FANCB: variants seen among roughly 807,000 people sequenced by gnomAD.
The protein encoded by FANCB is Fanconi anemia group B protein.
FANCB carries 5 observed loss-of-function variants against 38.9 expected under a neutral mutation model. The observed-to-expected ratio is 0.13, with a 90% CI of 0.07 to 0.27. The LOEUF (loss-of-function observed/expected upper bound fraction) is 0.27, where lower values mean the gene tolerates loss of function less well. Ranked by LOEUF, FANCB falls within the 10% of genes least tolerant of loss-of-function variation. The pLI is 1.00. For synonymous variants in FANCB, 236 were observed against 215.4 expected, an observed-to-expected ratio of 1.10 and a Z score of -0.84; for missense variants, 573 against 602.7, an observed-to-expected ratio of 0.95 and a Z score of 0.52.
At chrX:14,720,998 T>C in the FANCB span, among the ~76,000 whole-genome samples, 2 of 109,184 alleles carry the variant, frequency 1.8e-5, no homozygotes, top group Non-Finnish European at 3.8e-5. Context: ...TGGTGGCACA[T>C]GACCCGTCCA....
the FANCB span, among the ~76,000 whole-genome samples, chrX:14,805,500 C>T: frequency 9.0e-6 from 1 of 111,184 alleles, no homozygotes. Flanking sequence ...CACCATCACC[C>T]CCGCTAAACT....
chrX:14,719,932 TAAGTC>T, the FANCB span, among the ~76,000 whole-genome samples: 1 of 111,584 alleles, frequency 9.0e-6, no homozygotes, highest in African/African-American at 3.3e-5. Context: ...TTAAGGGAAA[TAAGTC>T]AGGCAGAAAA....
intron 3 of FANCB, among the ~76,000 whole-genome samples, chrX:14,863,548 A>G (rs774294825): frequency 8.9e-6 from 1 of 112,354 alleles, no homozygotes; most frequent in African/African-American, 3.2e-5. Flanking sequence ...ACAAAACTCT[A>G]ATTTCCTATT....
At chrX:14,696,901 T>A in the FANCB span, among the ~76,000 whole-genome samples, 8 of 112,166 alleles carry the variant, frequency 7.1e-5, no homozygotes, top group Admixed American at 7.5e-4. Flanking sequence ...AACATAATGT[T>A]TTATTACCAA....
chrX:14,773,103 A>G, the FANCB span, among the ~76,000 whole-genome samples: 1 of 111,984 alleles, frequency 8.9e-6, no homozygotes, highest in Non-Finnish European at 1.9e-5. Context: ...ATTCCTCTCC[A>G]TGAGTGCCAC....
chrX:14,717,610 T>G, the FANCB span, among the ~76,000 whole-genome samples: 1 of 110,802 alleles, frequency 9.0e-6, no homozygotes, highest in East Asian at 2.8e-4. Flanking sequence ...TTGTATATAG[T>G]TATGAGTACA....
chrX:14,864,852 T>C lies in FANCB; in HGVS notation c.659A>G (p.Gln220Arg), dbSNP rs751071983. Residue 220 changes from glutamine to arginine, a missense_variant, in exon 3 of 10, where the codon CAA becomes CGA. Transcript: ENST00000650831. ...AATGTATATATCACTTAATACTTCT[T>C]GACTTTCAAGAGAATATACACAAAA... ...TKFCVYSLES[Q>R]EVLSDIYIIP... 1.7e-6 allele frequency: 2 copies of C among 1,210,538 alleles called. No homozygotes were observed. The highest frequency in any genetic ancestry group is 2.2e-6 in the Non-Finnish European group (2 of 894,180).
the FANCB span, among the ~76,000 whole-genome samples, chrX:14,740,616 A>T: frequency 8.9e-6 from 1 of 112,408 alleles, no homozygotes. Flanking sequence ...CTGCTATTGT[A>T]GCATGAAAGC....
At chrX:14,819,430 C>A in the FANCB span, among the ~76,000 whole-genome samples, 1 of 111,380 alleles carries the variant, frequency 9.0e-6, no homozygotes, top group Non-Finnish European at 1.9e-5. Context: ...GTAATGAGGA[C>A]TCAAACTGGA....
the FANCB span, among the ~76,000 whole-genome samples, chrX:14,724,648 A>C: frequency 1.3e-3 from 123 of 92,038 alleles, 1 homozygote; most frequent in East Asian, 0.035. Context: ...AAAAAAAAAA[A>C]AAAACAAGAA....
chrX:14,859,405 CTT>C (rs1363402454), intron 3 of FANCB, 71 bp from the exon 4 acceptor site: 1 of 778,979 alleles, frequency 1.3e-6, no homozygotes, highest in Non-Finnish European at 1.9e-6. Context: ...AAATTAAGTC[CTT>C]TTGTTTCATG....
chrX:14,783,581 TC>T, the FANCB span, among the ~76,000 whole-genome samples: 1 of 112,109 alleles, frequency 8.9e-6, no homozygotes. Context: ...GAGTGTGGAA[TC>T]AAACTAGGGA....
At chrX:14,719,503 A>G in the FANCB span, among the ~76,000 whole-genome samples, 1 of 112,217 alleles carries the variant, frequency 8.9e-6, no homozygotes, top group Non-Finnish European at 1.9e-5. Context: ...TCACAATGAG[A>G]TATCATCTCA....
the FANCB span, among the ~76,000 whole-genome samples, chrX:14,752,753 G>A: frequency 3.6e-5 from 4 of 111,623 alleles, no homozygotes; most frequent in African/African-American, 9.8e-5. Flanking sequence ...ATTTCTAGAG[G>A]AAGCTGTATC....
chrX:14,844,802 T>G (rs2092368986), intron 8 of FANCB, 54 bp downstream of exon 8: 1 of 1,165,837 alleles, frequency 8.6e-7, no homozygotes, highest in African/African-American at 1.8e-5. Flanking sequence ...AACAGAATTC[T>G]TAAAATTTTC....
intron 2 of FANCB, among the ~76,000 whole-genome samples, chrX:14,867,095 T>C (rs926094860): frequency 1.8e-5 from 2 of 111,047 alleles, no homozygotes; most frequent in African/African-American, 6.5e-5. Flanking sequence ...TGACACAAAC[T>C]AATGGAAAGA....
At chrX:14,836,218 G>A (rs2092340903) in exon 11 of FANCB, 1 of 111,964 alleles carries the variant, frequency 8.9e-6, no homozygotes, top group African/African-American at 3.2e-5. Context: ...ATCTAAAGTA[G>A]TCAAAATCAT....
chrX:14,715,410 T>C, the FANCB span, among the ~76,000 whole-genome samples: 4 of 112,312 alleles, frequency 3.6e-5, no homozygotes, highest in African/African-American at 1.3e-4. Flanking sequence ...TTTATACATA[T>C]ATGCATTCAA....
the FANCB span, among the ~76,000 whole-genome samples, chrX:14,693,089 G>C: frequency 2.8e-5 from 3 of 108,028 alleles, no homozygotes; most frequent in South Asian, 7.8e-4. Context: ...GACAGACAAA[G>C]AGAAAGCAAA....
Sources: allele counts gnomAD v4.1 joint callset (sites outside exome capture counted in the v4.1 genomes callset), GRCh38; gene constraint gnomAD v4.1.1; transcripts MANE v1.5; gene names NCBI Gene and HGNC (gene_info 2026-07-23, HGNC 2026-07-21).